CAST: variants seen among roughly 807,000 people sequenced by gnomAD.
The protein encoded by CAST is MIR583 host.
CAST carries 76 observed loss-of-function variants against 119.6 expected under a neutral mutation model. The ratio of observed to expected loss-of-function variants is 0.64; its 90% confidence interval spans 0.53 to 0.77. The LOEUF (loss-of-function observed/expected upper bound fraction) is 0.77, where lower values mean the gene tolerates loss of function less well. Ranked by LOEUF, CAST falls within the 30% of genes least tolerant of loss-of-function variation. The pLI is 0.00. For synonymous variants in CAST, 319 were observed against 331.6 expected (o/e 0.96, Z 0.41); for missense variants, 953 against 946.5 (o/e 1.01, Z -0.09).
At chr5:96,410,703 T>C in the CAST span, 1 of 1,220,884 alleles carries the variant, frequency 8.2e-7, no homozygotes, top group Non-Finnish European at 1.2e-6. Context: ...AAAGGTCAGT[T>C]AGGGGAATCA....
At chr5:96,535,509 T>C (rs1159835530) in intron 1 of CAST, among the ~76,000 whole-genome samples, 1 of 151,806 alleles carries the variant, frequency 6.6e-6, no homozygotes, top group Non-Finnish European at 1.5e-5. Flanking sequence ...GTGGCATGAG[T>C]TGCCAGGTAA....
intron 1 of CAST, among the ~76,000 whole-genome samples, chr5:96,615,627 G>A (rs1417695838): frequency 1.3e-5 from 2 of 152,164 alleles, no homozygotes; most frequent in Admixed American, 6.5e-5. Flanking sequence ...AGCCTAAGAG[G>A]GGTCAGGTGG....
the CAST span, among the ~76,000 whole-genome samples, chr5:96,172,450 C>T: frequency 6.6e-6 from 1 of 152,188 alleles, no homozygotes; most frequent in Non-Finnish European, 1.5e-5. Context: ...TTGAATATAA[C>T]ATTCTAGATT....
At chr5:96,593,672 T>C (rs1232637801) in intron 1 of CAST, among the ~76,000 whole-genome samples, 1 of 152,170 alleles carries the variant, frequency 6.6e-6, no homozygotes, top group Non-Finnish European at 1.5e-5. Flanking sequence ...TATTAGGAGA[T>C]GTGAGGAAAT....
the CAST span, chr5:96,393,252 G>A: frequency 2.0e-5 from 32 of 1,613,990 alleles, no homozygotes; most frequent in Non-Finnish European, 2.7e-5. Flanking sequence ...GCACTTTGCA[G>A]GAGTCGCAGC....
the CAST span, among the ~76,000 whole-genome samples, chr5:96,038,772 T>C: frequency 1.3e-5 from 2 of 152,206 alleles, no homozygotes; most frequent in African/African-American, 4.8e-5. Context: ...AGTCTATCAT[T>C]GATGGACATC....
intron 1 of CAST, among the ~76,000 whole-genome samples, chr5:96,639,830 A>G (rs1170319421): frequency 3.3e-5 from 5 of 152,102 alleles, no homozygotes; most frequent in African/African-American, 1.2e-4. Flanking sequence ...TAGTTCCCTC[A>G]ACTTTGGATG....
the CAST span, among the ~76,000 whole-genome samples, chr5:96,463,936 C>G: frequency 6.6e-6 from 1 of 151,942 alleles, no homozygotes; most frequent in African/African-American, 2.4e-5. Flanking sequence ...GACACAGAAA[C>G]AGATAAAGTG....
the CAST span, among the ~76,000 whole-genome samples, chr5:96,269,789 C>G: frequency 6.6e-6 from 1 of 152,102 alleles, no homozygotes; most frequent in Non-Finnish European, 1.5e-5. Flanking sequence ...AGCCCAAGAC[C>G]TGATGGCTTC....
chr5:96,464,776 C>T, the CAST span, among the ~76,000 whole-genome samples: 1 of 152,032 alleles, frequency 6.6e-6, no homozygotes, highest in African/African-American at 2.4e-5. Context: ...AACACCTGGG[C>T]AGTCATTAAA....
intron 1 of CAST, among the ~76,000 whole-genome samples, chr5:96,605,786 C>G (rs1239501634): frequency 6.6e-6 from 1 of 152,172 alleles, no homozygotes; most frequent in Admixed American, 6.5e-5. Flanking sequence ...ATTTATAAAA[C>G]ATTAATAAAT....
chr5:96,306,644 T>C, the CAST span, among the ~76,000 whole-genome samples: 30 of 152,362 alleles, frequency 2.0e-4, no homozygotes, highest in African/African-American at 7.0e-4. Flanking sequence ...TTCTGGTACA[T>C]TGTGTCTTTG....
the CAST span, chr5:96,379,518 A>T: frequency 6.6e-6 from 1 of 152,138 alleles, no homozygotes; most frequent in African/African-American, 2.4e-5. Context: ...AATTCTGATA[A>T]ATTACAGATA....
At chr5:96,462,244 G>T in the CAST span, among the ~76,000 whole-genome samples, 1,126 of 152,162 alleles carry the variant, frequency 7.4e-3, 57 homozygotes, top group Admixed American at 0.066. Context: ...GCTCCATGAG[G>T]TCTGGGAACC....
At chr5:96,643,881 A>C (rs1747983813) in intron 1 of CAST, among the ~76,000 whole-genome samples, 1 of 151,998 alleles carries the variant, frequency 6.6e-6, no homozygotes, top group African/African-American at 2.4e-5. Context: ...CAAAAAAATA[A>C]TAATAATAAC....
intron 9 of CAST, among the ~76,000 whole-genome samples, chr5:96,734,422 G>A (rs1761225335): frequency 6.6e-6 from 1 of 152,188 alleles, no homozygotes; most frequent in Non-Finnish European, 1.5e-5. Flanking sequence ...GTCAGGGACT[G>A]TTTCAGTAGT....
intron 27 of CAST, among the ~76,000 whole-genome samples, chr5:96,767,002 C>T (rs1343880331): frequency 1.3e-5 from 2 of 152,200 alleles, no homozygotes; most frequent in Admixed American, 6.5e-5. Flanking sequence ...AGTACCAACT[C>T]ACCCTGCTTG....
At chr5:96,126,267 G>A in the CAST span, among the ~76,000 whole-genome samples, 1 of 152,102 alleles carries the variant, frequency 6.6e-6, no homozygotes, top group Non-Finnish European at 1.5e-5. Context: ...GAAAAAAAAT[G>A]TATAGCTGCA....
intron 1 of CAST, among the ~76,000 whole-genome samples, chr5:96,555,790 C>T (rs915726652): frequency 6.6e-6 from 1 of 152,228 alleles, no homozygotes; most frequent in East Asian, 1.9e-4. Flanking sequence ...GTAGACTCCA[C>T]CTCTAGGGGC....
Sources: gnomAD v4.1 joint callset for allele counts (sites outside exome capture counted in the v4.1 genomes callset) on GRCh38, gnomAD v4.1.1 for gene constraint, MANE v1.5 for transcripts, NCBI Gene and HGNC (gene_info 2026-07-23, HGNC 2026-07-21) for gene names.